The following ZFHX4 variants were observed in gnomAD, a reference collection of about 807,000 sequenced individuals.
ZFHX4 encodes the protein zinc finger homeobox protein 4.
Under a neutral mutation model 267.6 loss-of-function variants are expected in ZFHX4, and 56 were observed. That is an observed-to-expected ratio of 0.21 (90% CI 0.17 to 0.26). The LOEUF is 0.26. Among genes scored for constraint, ZFHX4 ranks in the 10% least tolerant of loss-of-function variants. ZFHX4 has a pLI of 1.00. For synonymous variants in ZFHX4, 1,778 were observed against 1,665.6 expected, an observed-to-expected ratio of 1.07 and a Z score of -1.64; for missense variants, 4,332 against 4,420.0, an observed-to-expected ratio of 0.98 and a Z score of 0.56.
At chr8:76,810,954 C>T (rs913761869) in intron 4 of ZFHX4, among the ~76,000 whole-genome samples, 65 of 152,262 alleles carry the variant, frequency 4.3e-4, no homozygotes, top group African/African-American at 1.5e-3. Context: ...TGCTTCGCTT[C>T]CCCTCCTTGC....
intron 3 of ZFHX4, among the ~76,000 whole-genome samples, chr8:76,750,851 T>C (rs1239006397): frequency 1.3e-5 from 2 of 152,090 alleles, no homozygotes; most frequent in African/African-American, 4.8e-5. Flanking sequence ...ATTCTAAACT[T>C]CATTTTGAAA....
chr8:76,829,044 A>T (rs2131882311), intron 4 of ZFHX4, among the ~76,000 whole-genome samples: 1 of 152,276 alleles, frequency 6.6e-6, no homozygotes, highest in East Asian at 1.9e-4. Context: ...ACTTGAACAT[A>T]TATCCATTAT....
intron 3 of ZFHX4, among the ~76,000 whole-genome samples, chr8:76,714,291 G>T (rs1055673035): frequency 5.9e-5 from 9 of 152,166 alleles, no homozygotes; most frequent in Admixed American, 4.6e-4. Flanking sequence ...AAAGTCATAT[G>T]TTAACCAGGC....
chr8:76,710,680 G>A (rs528481829), intron 3 of ZFHX4, among the ~76,000 whole-genome samples: 4 of 152,120 alleles, frequency 2.6e-5, no homozygotes, highest in Non-Finnish European at 5.9e-5. Context: ...ACAGAGCTGC[G>A]AGAAAACAGC....
rs1470924850 is a variant in ZFHX4 at position 76,704,689 on chromosome 8, C to G, written c.601C>G (p.Leu201Val). Reference sequence around the variant, plus strand: ...CAACACTTTTCATATCGCTTCATCCCTCGGGAAACCATTTACAGCCGATCA... The same window carrying G: ...CAACACTTTTCATATCGCTTCATCCGTCGGGAAACCATTTACAGCCGATCA... Reference protein sequence around the residue: ...IINTFHIASSLGKPFTADQAF... With the variant: ...IINTFHIASSVGKPFTADQAF... The change falls in exon 2 of 11, where the codon CTC becomes GTC. Residue 201 changes from leucine to valine, a missense_variant. Transcript: ENST00000651372. 1 of 1,614,032 alleles carries G rather than the reference C, an allele frequency of 6.2e-7. No homozygotes were observed. Among genetic ancestry groups the G allele is most frequent in the Non-Finnish European group, 8.5e-7 (1 of 1,179,898 alleles).
intron 4 of ZFHX4, among the ~76,000 whole-genome samples, chr8:76,818,020 C>G (rs1207432079): frequency 6.6e-6 from 1 of 152,146 alleles, no homozygotes; most frequent in Non-Finnish European, 1.5e-5. Flanking sequence ...GTTCCCTGCC[C>G]TCAAGGAGTT....
chr8:76,732,393 T>A (rs1468938744), intron 3 of ZFHX4, among the ~76,000 whole-genome samples: 1 of 151,886 alleles, frequency 6.6e-6, no homozygotes, highest in African/African-American at 2.4e-5. Context: ...GTTAAAGGAG[T>A]ATAGTTGTTA....
intron 3 of ZFHX4, among the ~76,000 whole-genome samples, chr8:76,771,460 A>G (rs568068363): frequency 5.9e-5 from 9 of 151,840 alleles, no homozygotes; most frequent in African/African-American, 2.2e-4. Context: ...TTTTGAAGAG[A>G]TAAGATCTTA....
At chr8:76,696,844 A>G (rs1171103348) in intron 1 of ZFHX4, among the ~76,000 whole-genome samples, 1 of 152,008 alleles carries the variant, frequency 6.6e-6, no homozygotes, top group Non-Finnish European at 1.5e-5. Flanking sequence ...TGGAATGTAA[A>G]AAGACACTTG....
At position 76,823,188 on chromosome 8, in the gene ZFHX4, G is replaced by A. The variant is rs138088939; in HGVS notation, c.3326-10150G>A. Reference sequence around the variant, plus strand: ...CTTCCTCTATTTAATCCTCTGCACAGCATCCCACAGAAGAAAATATGATCA... The same window carrying A: ...CTTCCTCTATTTAATCCTCTGCACAACATCCCACAGAAGAAAATATGATCA... On this transcript the variant is annotated intron_variant, in intron 4 of 10. Transcript: ENST00000651372. 9.5e-4 allele frequency among the ~76,000 whole-genome samples: 141 copies of A among 147,862 alleles called. No homozygotes were observed. The Middle Eastern group carries it at 0.01, about 11-fold the overall frequency.
At chr8:76,779,266 T>G (rs1445981854) in intron 4 of ZFHX4, among the ~76,000 whole-genome samples, 3 of 151,996 alleles carry the variant, frequency 2.0e-5, no homozygotes, top group African/African-American at 4.8e-5. Context: ...CCGTTTTCCC[T>G]TTTTTTTCTT....
At chr8:76,861,766 C>CTT (rs757543240) in intron 10 of ZFHX4, among the ~76,000 whole-genome samples, 1 of 146,350 alleles carries the variant, frequency 6.8e-6, no homozygotes, top group Non-Finnish European at 1.5e-5. Context: ...TCTGTCTCTC[C>CTT]TTTTTTTTTT....
intron 3 of ZFHX4, among the ~76,000 whole-genome samples, chr8:76,777,718 T>A (rs1225721492): frequency 6.6e-6 from 1 of 152,126 alleles, no homozygotes; most frequent in Non-Finnish European, 1.5e-5. Context: ...ATCTAGAAAA[T>A]ACCAAATGCC....
In ZFHX4 at chr8:76,852,050, A is replaced by G. The variant is rs1376619173; in HGVS notation, c.5129A>G (p.Gln1710Arg). The G allele has an allele frequency of 6.2e-7, 1 of 1,614,012 alleles. No homozygotes were observed. The highest frequency in any genetic ancestry group is 8.5e-7 in the Non-Finnish European group (1 of 1,179,880). ...TTACAACAGCAAGCCGCATTCTTTC[A>G]GCCTCAGTTTCTAAACCCAGCCTTT... is the stretch of plus-strand genomic sequence containing the variant. ...HELQQQAAFFQPQFLNPAFLP... is the reference protein window; with the variant it reads ...HELQQQAAFFRPQFLNPAFLP... Residue 1710 changes from glutamine (Q) to arginine (R), a missense_variant, in exon 10 of 11, where the codon CAG (glutamine) becomes CGG (arginine). By Grantham distance (43) the Gln-to-Arg change is conservative (BLOSUM62 1). This residue lies in a region of ZFHX4 where 1,371 missense variants were observed against 1,423.1 expected (regional missense o/e 0.96). Transcript: ENST00000651372.
At chr8:76,693,276 G>A (rs2131586561) in intron 1 of ZFHX4, 1 of 151,936 alleles carries the variant, frequency 6.6e-6, no homozygotes, top group South Asian at 2.1e-4. Context: ...TGAAATCTAG[G>A]TACTGAAAAA....
Position 76,704,834 on chromosome 8 carries a change from A to C in ZFHX4, c.746A>C (p.Asn249Thr). 1 of 1,613,984 alleles carries C rather than the reference A, an allele frequency of 6.2e-7. No homozygotes were observed. Among genetic ancestry groups the C allele is most frequent in the Non-Finnish European group, 8.5e-7 (1 of 1,179,976 alleles). Residue 249 changes from asparagine (N) to threonine (T), a missense_variant, in exon 2 of 11, where the codon AAC (asparagine) becomes ACC (threonine). Physicochemically the swap from Asn to Thr is moderately conservative, Grantham distance 65. Around this residue, in one of 7 missense-constraint regions of ZFHX4, gnomAD observed 1,195 missense variants for 1,173.6 expected, o/e 1.02. Coordinates refer to ENST00000651372, the MANE Select transcript of ZFHX4 (RefSeq NM_024721.5). ...CTAACCAGTGATGGCTCAGCCAAAA[A>C]CTCCTGTGTGTCCAAAGATGTCCCT... ...DYLTSDGSAKNSCVSKDVPNN... is the reference protein window; with the variant it reads ...DYLTSDGSAKTSCVSKDVPNN...
intron 4 of ZFHX4, among the ~76,000 whole-genome samples, chr8:76,811,151 G>A (rs879437890): frequency 7.2e-5 from 11 of 152,236 alleles, no homozygotes; most frequent in African/African-American, 2.6e-4. Flanking sequence ...GTCAGTCTCT[G>A]CCACTCCAGG....
chr8:76,790,646 T>G (rs1810810681), intron 4 of ZFHX4, among the ~76,000 whole-genome samples: 1 of 152,182 alleles, frequency 6.6e-6, no homozygotes, highest in Admixed American at 6.6e-5. Flanking sequence ...GAATCAAGTT[T>G]GGTCTTCTGT....
chr8:76,834,167 G>C (rs1158530676), intron 5 of ZFHX4: 1 of 444,858 alleles, frequency 2.2e-6, no homozygotes, highest in Non-Finnish European at 4.5e-6. Flanking sequence ...TCCAAGTTTT[G>C]GCAATTACGA....
Sources: allele counts gnomAD v4.1 joint callset (sites outside exome capture counted in the v4.1 genomes callset), GRCh38; gene constraint gnomAD v4.1.1; regional missense constraint gnomAD v4.1.1; transcripts MANE v1.5; gene names NCBI Gene and HGNC (gene_info 2026-07-23, HGNC 2026-07-21).